The following GRIN2B variants were observed in gnomAD, a reference collection of about 807,000 sequenced individuals.
GRIN2B encodes the protein glutamate ionotropic receptor NMDA type subunit 2B, also known as glutamate receptor ionotropic, NMDA 2B.
Under a neutral mutation model 114.5 loss-of-function variants are expected in GRIN2B, and 5 were observed. The ratio of observed to expected loss-of-function variants is 0.04; its 90% CI spans 0.02 to 0.09. The LOEUF (loss-of-function observed/expected upper bound fraction) is 0.09, where lower values mean the gene tolerates loss of function less well. GRIN2B is among the 10% of genes least tolerant of loss of function. The pLI is 1.00. For synonymous variants in GRIN2B, 787 were observed against 745.1 expected, an observed-to-expected ratio of 1.06 and a Z score of -0.92; for missense variants, 1,108 against 1,943.5, an observed-to-expected ratio of 0.57 and a Z score of 8.08.
intron 3 of GRIN2B, among the ~76,000 whole-genome samples, chr12:13,780,669 C>T (rs1289515678): frequency 6.6e-6 from 1 of 152,038 alleles, no homozygotes; most frequent in Non-Finnish European, 1.5e-5. Context: ...GGGTTTATAA[C>T]ATGACGTGGC....
chr12:13,615,689 A>C lies in GRIN2B; in HGVS notation c.1329-25T>G. 6.2e-7 allele frequency: 1 copy of C among 1,604,652 alleles called. No homozygotes were observed. Among genetic ancestry groups the C allele is most frequent in the Non-Finnish European group, 8.5e-7 (1 of 1,171,466 alleles). ...CCTAGCCAATTAAAGAAACAAAAAC[A>C]AACAAACAAAAAAGTCTTTGTACAA... On this transcript the variant is annotated intron_variant, in intron 6 of 13. Transcript: ENST00000609686. This position sits in a 1 kb window ranked among gnomAD's most constrained non-coding sequence, Gnocchi z 5.8.
In GRIN2B at chr12:13,541,889, G is replaced by T. The variant is rs1434825480; in HGVS notation, c.*20894C>A. 1 of 152,262 alleles carries T rather than the reference G, an allele frequency of 6.6e-6. No homozygotes were observed. The highest frequency in any genetic ancestry group is 1.5e-5 in the Non-Finnish European group (1 of 68,028). 9.4% of individuals were successfully genotyped at this position (152,262 alleles called of 1,614,324 possible). A position where few individuals can be genotyped will look rare whatever the true frequency, so the allele number is the denominator to read the frequency against. The stretch of plus-strand genomic sequence containing the variant: ...GCATCCTCTGTGTCAGAAACAACGT[G>T]CAGTGTCTCTGGGGGCAGACTCTAG... On this transcript the variant is annotated 3_prime_UTR_variant, in exon 14 of 14. Coordinates refer to ENST00000609686, the MANE Select transcript of GRIN2B (RefSeq NM_000834.5).
At chr12:13,859,342 G>A (rs959192190) in intron 3 of GRIN2B, among the ~76,000 whole-genome samples, 3 of 152,160 alleles carry the variant, frequency 2.0e-5, no homozygotes, top group Non-Finnish European at 2.9e-5. Context: ...TATGAATGTC[G>A]AAGCAATTTC....
chr12:13,689,287 G>C (rs1207805712), intron 4 of GRIN2B, among the ~76,000 whole-genome samples: 1 of 152,094 alleles, frequency 6.6e-6, no homozygotes, highest in African/African-American at 2.4e-5. Context: ...CAAAATAGCT[G>C]ACTTTCAATT....
At chr12:13,602,768 A>C (rs1293290476) in intron 10 of GRIN2B, among the ~76,000 whole-genome samples, 3 of 152,166 alleles carry the variant, frequency 2.0e-5, no homozygotes, top group African/African-American at 7.2e-5. Flanking sequence ...GGCCATCCTG[A>C]TTGTACCTCC....
intron 2 of GRIN2B, among the ~76,000 whole-genome samples, chr12:13,945,075 TAAG>T (rs1285835012): frequency 6.6e-6 from 1 of 152,204 alleles, no homozygotes; most frequent in African/African-American, 2.4e-5. Context: ...ATGTGCTTTT[TAAG>T]AATAGAGTGG....
intron 3 of GRIN2B, among the ~76,000 whole-genome samples, chr12:13,801,042 T>C (rs1340888885): frequency 6.6e-6 from 1 of 152,170 alleles, no homozygotes; most frequent in African/African-American, 2.4e-5. Context: ...GTTGAATGCC[T>C]AATACGCCGG....
intron 5 of GRIN2B, among the ~76,000 whole-genome samples, chr12:13,628,727 A>C (rs565103686): frequency 6.6e-6 from 1 of 152,232 alleles, no homozygotes; most frequent in African/African-American, 2.4e-5. Context: ...TCAGAAAGAA[A>C]GTAATGAGAA....
intron 2 of GRIN2B, among the ~76,000 whole-genome samples, chr12:13,891,829 G>A (rs1483081068): frequency 1.3e-5 from 2 of 152,114 alleles, no homozygotes; most frequent in Non-Finnish European, 2.9e-5. Flanking sequence ...GAGGTGCTCA[G>A]ACCCAGAAGA....
chr12:13,947,253 G>A (rs1867377853), intron 2 of GRIN2B, among the ~76,000 whole-genome samples: 1 of 152,182 alleles, frequency 6.6e-6, no homozygotes, highest in African/African-American at 2.4e-5. Context: ...AATAAACCAT[G>A]AGGTTGCACG....
intron 5 of GRIN2B, among the ~76,000 whole-genome samples, chr12:13,648,794 C>G (rs1949787547): frequency 6.6e-6 from 1 of 151,950 alleles, no homozygotes; most frequent in Non-Finnish European, 1.5e-5. Context: ...TTAAGGAATA[C>G]TAAATTACAT....
chr12:13,717,675 T>C (rs1293011199), intron 4 of GRIN2B, among the ~76,000 whole-genome samples: 1 of 151,950 alleles, frequency 6.6e-6, no homozygotes, highest in Non-Finnish European at 1.5e-5. Flanking sequence ...TTTTTAAGGA[T>C]TACCTATCCC....
intron 5 of GRIN2B, among the ~76,000 whole-genome samples, chr12:13,623,825 G>A (rs1348045085): frequency 1.3e-5 from 2 of 152,052 alleles, no homozygotes; most frequent in Non-Finnish European, 2.9e-5. Context: ...ATGGAGGGTT[G>A]GTTTCCTACC....
At chr12:13,796,093 A>AG (rs1227848290) in intron 3 of GRIN2B, among the ~76,000 whole-genome samples, 6 of 151,576 alleles carry the variant, frequency 4.0e-5, no homozygotes, top group African/African-American at 7.3e-5. Context: ...AAAAAAAAAA[A>AG]AAAAGAAACA....
intron 4 of GRIN2B, among the ~76,000 whole-genome samples, chr12:13,751,577 A>G (rs1863484571): frequency 6.6e-6 from 1 of 152,188 alleles, no homozygotes; most frequent in Non-Finnish European, 1.5e-5. Context: ...TTTTTATTTT[A>G]GGTAACTTTG....
intron 4 of GRIN2B, among the ~76,000 whole-genome samples, chr12:13,708,600 T>G (rs577863148): frequency 6.6e-6 from 1 of 152,102 alleles, no homozygotes; most frequent in Non-Finnish European, 1.5e-5. Flanking sequence ...GAGGAGACAT[T>G]GAATTTGTGG....
intron 5 of GRIN2B, among the ~76,000 whole-genome samples, chr12:13,625,899 A>C (rs764386860): frequency 4.6e-5 from 7 of 152,176 alleles, no homozygotes; most frequent in Non-Finnish European, 1.0e-4. Context: ...CCATTTTAGA[A>C]AAGGGCATTA....
At chr12:13,736,175 C>T (rs1488578969) in intron 4 of GRIN2B, among the ~76,000 whole-genome samples, 1 of 149,608 alleles carries the variant, frequency 6.7e-6, no homozygotes, top group African/African-American at 2.4e-5. Context: ...CAGGTGGCCA[C>T]TGAACTCCTG....
chr12:13,717,190 C>T (rs1950463469), intron 4 of GRIN2B, among the ~76,000 whole-genome samples: 1 of 151,290 alleles, frequency 6.6e-6, no homozygotes, highest in Non-Finnish European at 1.5e-5. Flanking sequence ...GACAGTTTTA[C>T]ACAAGTTAAA....
Sources: gnomAD v4.1 joint callset for allele counts (sites outside exome capture counted in the v4.1 genomes callset) on GRCh38, gnomAD v4.1.1 for gene constraint, Gnocchi (gnomAD v3.1) non-coding constraint, MANE v1.5 for transcripts, NCBI Gene and HGNC (gene_info 2026-07-23, HGNC 2026-07-21) for gene names.